PRDM5: variants seen among roughly 807,000 people sequenced by gnomAD.
PRDM5 encodes PR domain zinc finger protein 5.
Under a neutral mutation model 81.2 loss-of-function variants are expected in PRDM5, and 56 were observed. That is an observed-to-expected ratio of 0.69 (90% confidence interval 0.56 to 0.86). The LOEUF (loss-of-function observed/expected upper bound fraction) is 0.86, where lower values mean the gene tolerates loss of function less well. Among genes scored for constraint, PRDM5 ranks in the 40% least tolerant of loss-of-function variants. PRDM5 has a pLI of 0.00. For synonymous variants in PRDM5, 267 were observed against 256.4 expected (o/e 1.04, Z -0.39); for missense variants, 697 against 770.1 (o/e 0.91, Z 1.12).
intron 14 of PRDM5, among the ~76,000 whole-genome samples, chr4:120,751,253 G>A (rs1461233921): frequency 6.6e-6 from 1 of 151,996 alleles, no homozygotes; most frequent in Non-Finnish European, 1.5e-5. Flanking sequence ...TGCTAGAGAT[G>A]AAAAACATAA....
At chr4:120,825,043 C>A (rs1433853119) in intron 3 of PRDM5, among the ~76,000 whole-genome samples, 1 of 152,048 alleles carries the variant, frequency 6.6e-6, no homozygotes, top group Non-Finnish European at 1.5e-5. Context: ...TACCAGGAAG[C>A]AGTACTATAT....
At chr4:120,901,040 G>A (rs1053134599) in intron 2 of PRDM5, among the ~76,000 whole-genome samples, 1 of 152,122 alleles carries the variant, frequency 6.6e-6, no homozygotes, top group Non-Finnish European at 1.5e-5. Context: ...ATAAACGAGT[G>A]ATAGATTATG....
chr4:120,804,729 A>C (rs1434979177), intron 8 of PRDM5, among the ~76,000 whole-genome samples: 2 of 152,228 alleles, frequency 1.3e-5, no homozygotes, highest in African/African-American at 4.8e-5. Context: ...ATAGCATTAA[A>C]TGCCCACAAG....
intron 15 of PRDM5, among the ~76,000 whole-genome samples, chr4:120,706,616 T>C (rs1301861161): frequency 6.6e-6 from 1 of 151,850 alleles, no homozygotes; most frequent in African/African-American, 2.4e-5. Flanking sequence ...GTTATTGCTA[T>C]AGGCATGCTG....
chr4:120,751,685 A>G (rs1187512724), intron 14 of PRDM5, among the ~76,000 whole-genome samples: 1 of 152,220 alleles, frequency 6.6e-6, no homozygotes, highest in Non-Finnish European at 1.5e-5. Flanking sequence ...TGGTCTCTCC[A>G]TGAAAGGTCA....
chr4:120,728,960 C>T (rs900847824), intron 14 of PRDM5, among the ~76,000 whole-genome samples: 3 of 152,092 alleles, frequency 2.0e-5, no homozygotes, highest in Non-Finnish European at 4.4e-5. Flanking sequence ...TTACAAGTAG[C>T]ACAATTAAAT....
At chr4:120,855,947 T>C (rs1176891812) in intron 2 of PRDM5, among the ~76,000 whole-genome samples, 1 of 152,220 alleles carries the variant, frequency 6.6e-6, no homozygotes, top group African/African-American at 2.4e-5. Flanking sequence ...ACAATATATA[T>C]CAGATGTGTT....
At chr4:120,702,200 A>C (rs1008110543) in intron 15 of PRDM5, among the ~76,000 whole-genome samples, 1 of 152,198 alleles carries the variant, frequency 6.6e-6, no homozygotes, top group African/African-American at 2.4e-5. Context: ...TTCACATAAC[A>C]GTTGAAATGA....
chr4:120,812,652 T>G (rs2149327471), intron 7 of PRDM5: 1 of 173,314 alleles, frequency 5.8e-6, no homozygotes, highest in Admixed American at 6.4e-5. Flanking sequence ...GTTTGAGCAC[T>G]TTATATATTC....
intron 1 of PRDM5, among the ~76,000 whole-genome samples, chr4:120,915,345 G>T (rs988949515): frequency 1.3e-5 from 2 of 152,182 alleles, no homozygotes; most frequent in African/African-American, 4.8e-5. Context: ...TGCTAAAGGA[G>T]GAATGTGAGA....
chr4:120,748,763 G>A (rs944867247), intron 14 of PRDM5, among the ~76,000 whole-genome samples: 5 of 152,064 alleles, frequency 3.3e-5, no homozygotes, highest in Non-Finnish European at 7.4e-5. Context: ...AGAAAGGGAT[G>A]AGAAATGGCT....
intron 14 of PRDM5, among the ~76,000 whole-genome samples, chr4:120,742,801 G>C (rs1742276844): frequency 6.6e-6 from 1 of 151,986 alleles, no homozygotes; most frequent in Non-Finnish European, 1.5e-5. Context: ...ATCTACGTCT[G>C]ATTGGTGTAC....
chr4:120,915,235 T>A (rs1452435767), intron 1 of PRDM5, among the ~76,000 whole-genome samples: 1 of 152,036 alleles, frequency 6.6e-6, no homozygotes, highest in Non-Finnish European at 1.5e-5. Context: ...AACTGCAAAA[T>A]CATAACTTTT....
intron 15 of PRDM5, among the ~76,000 whole-genome samples, chr4:120,704,548 T>C (rs1488845340): frequency 2.6e-5 from 4 of 152,226 alleles, no homozygotes; most frequent in Non-Finnish European, 4.4e-5. Flanking sequence ...AGCACCTAAA[T>C]TCTAGATAAG....
chr4:120,690,059 T>C (rs1733978992), downstream of PRDM5, among the ~76,000 whole-genome samples: 1 of 152,154 alleles, frequency 6.6e-6, no homozygotes, highest in Non-Finnish European at 1.5e-5. Flanking sequence ...GAGAACTATA[T>C]AGTTTGCTCA....
chr4:120,690,294 G>A (rs1202230502), downstream of PRDM5, among the ~76,000 whole-genome samples: 1 of 152,058 alleles, frequency 6.6e-6, no homozygotes, highest in Non-Finnish European at 1.5e-5. Flanking sequence ...TACTATACAT[G>A]TGTCCAGATA....
Position 120,695,145 on chromosome 4 carries a change from T to A in PRDM5, c.1859A>T (p.His620Leu). ...KFTRNDYLKV[H>L]MDNIHGVADS ...AGCTACACCATGGATATTGTCCATG[T>A]GCACTTTGAGGTAGTCATTCCTTGT... The change falls in exon 16 of 16, where the codon CAC becomes CTC. Residue 620 changes from histidine (H) to leucine (L), a missense_variant. This residue lies in a region of PRDM5 where 34 missense variants were observed against 28.1 expected (regional missense o/e 1.21). Coordinates refer to ENST00000264808, the MANE Select transcript of PRDM5 (RefSeq NM_018699.4). 1 of 1,613,428 alleles carries A rather than the reference T, an allele frequency of 6.2e-7. No homozygotes were observed. The highest frequency in any genetic ancestry group is 2.2e-5 in the East Asian group (1 of 44,852).
chr4:120,835,353 T>G (rs1211466727), intron 3 of PRDM5, among the ~76,000 whole-genome samples: 3 of 152,204 alleles, frequency 2.0e-5, no homozygotes, highest in Non-Finnish European at 4.4e-5. Context: ...AGAAAATGTG[T>G]CTGTGTGTGC....
intron 10 of PRDM5, among the ~76,000 whole-genome samples, chr4:120,787,248 A>T (rs1749888095): frequency 6.6e-6 from 1 of 152,140 alleles, no homozygotes; most frequent in Non-Finnish European, 1.5e-5. Flanking sequence ...CCTAGTCAAG[A>T]AACATCACGG....
Sources: allele counts gnomAD v4.1 joint callset (sites outside exome capture counted in the v4.1 genomes callset), GRCh38; gene constraint gnomAD v4.1.1; regional missense constraint gnomAD v4.1.1; transcripts MANE v1.5; gene names NCBI Gene and HGNC (gene_info 2026-07-23, HGNC 2026-07-21).